PCDH8: variants seen among roughly 807,000 people sequenced by gnomAD.
PCDH8 encodes the protein protocadherin 8.
PCDH8 carries 36 observed loss-of-function variants against 58.2 expected under a neutral mutation model. That is an observed-to-expected ratio of 0.62 (90% CI 0.47 to 0.82). The LOEUF is 0.82. Among genes scored for constraint, PCDH8 ranks in the 40% least tolerant of loss-of-function variants. The probability of loss-of-function intolerance (pLI) is 0.00; values close to 1 mark genes in which losing one functional copy is unlikely to be tolerated. For missense variants in PCDH8, 1,493 were observed against 1,567.8 expected, an observed-to-expected ratio of 0.95 and a Z score of 0.81; for synonymous variants, 775 against 728.9, an observed-to-expected ratio of 1.06 and a Z score of -1.02.
At position 52,846,320 on chromosome 13, in the gene PCDH8, A is replaced by G; in HGVS notation, c.2117T>C (p.Val706Ala). 1 of 1,569,822 alleles carries G rather than the reference A, an allele frequency of 6.4e-7. No individual in the cohort carries two copies. The highest frequency in any genetic ancestry group is 8.6e-7 in the Non-Finnish European group (1 of 1,159,584). Reference protein sequence around the residue: ...GRPPLTTTATVSFVVTAGGGR... With the variant: ...GRPPLTTTATASFVVTAGGGR... ...GCCCCCTGCTGTTACCACGAAGCTG[A>G]CAGTTGCGGTGGTGGTGAGCGGGGG... Residue 706 changes from valine (V) to alanine (A), a missense_variant, in exon 1 of 3, where the codon GTC becomes GCC. Coordinates refer to ENST00000377942, the MANE Select transcript of PCDH8 (RefSeq NM_002590.4).
chr13:52,845,992 C>T lies in PCDH8; in HGVS notation c.2445G>A (p.Arg815=), dbSNP rs754447078. 2 of 1,475,726 alleles carry T rather than the reference C, an allele frequency of 1.4e-6. No individual in the cohort carries two copies. The highest frequency in any genetic ancestry group is 2.7e-5 in the Admixed American group (1 of 36,430). The allele number at this position is 1,475,726 out of a possible 1,614,324, so 91.4% of individuals were successfully genotyped here. The part of the protein sequence containing the change: ...PEEAARGAGP[R]PNMFDVLTFP... ...AGGTGAGCACGTCGAACATGTTGGG[C>T]CTGGGCCCGGCTCCCCGGGCGGCCT... Residue 815 remains arginine (R), a synonymous_variant, in exon 1 of 3, where the codon AGG becomes AGA. Coordinates refer to ENST00000377942, the MANE Select transcript of PCDH8 (RefSeq NM_002590.4).
chr13:52,846,267 C>T lies in PCDH8; in HGVS notation c.2170G>A (p.Ala724Thr), dbSNP rs916386993. The T allele has an allele frequency of 4.4e-6, 7 of 1,580,216 alleles. No individual in the cohort carries two copies. The Admixed American group carries it at 1.2e-4, about 27-fold the overall frequency. ...GGRGPAAPAS[A>T]GSPERSRPPG... ...GGGCGGGAACGCTCCGGGCTTCCTG[C>T]ACTGGCAGGCGCAGCCGGCCCACGC... Residue 724 changes from alanine (A) to threonine (T), a missense_variant, in exon 1 of 3, where the codon GCA becomes ACA. This residue lies in a region of PCDH8 where 1,307 missense variants were observed against 1,362.7 expected (regional missense o/e 0.96). Coordinates refer to ENST00000377942, the MANE Select transcript of PCDH8 (RefSeq NM_002590.4).
Position 52,847,021 on chromosome 13 carries a change from G to C in PCDH8, c.1416C>G (p.Arg472=). 1 of 1,563,092 alleles carries C rather than the reference G, an allele frequency of 6.4e-7. No homozygotes were observed. Among genetic ancestry groups the C allele is most frequent in the Middle Eastern group, 1.7e-4 (1 of 5,918 alleles). Reference sequence around the variant, plus strand: ...GCACTGTGCGCAGCGGGGGCGCGCCGCGATCCTCGGCCACCAGCGTCAAGT... The same window carrying C: ...GCACTGTGCGCAGCGGGGGCGCGCCCCGATCCTCGGCCACCAGCGTCAAGT... ...EYNLTLVAED[R]GAPPLRTVRP... is the part of the protein sequence containing the mutation. The change falls in exon 1 of 3, where the codon CGC becomes CGG. Residue 472 remains arginine (R), a synonymous_variant. Coordinates refer to ENST00000377942, the MANE Select transcript of PCDH8 (RefSeq NM_002590.4).
chr13:52,845,837 C>T lies in PCDH8; in HGVS notation c.2600G>A (p.Gly867Glu), dbSNP rs1444368038. The T allele has an allele frequency of 6.6e-6, 10 of 1,517,144 alleles. No individual in the cohort carries two copies. Among genetic ancestry groups the T allele is most frequent in the South Asian group, 1.2e-5 (1 of 80,864 alleles). The allele number at this position is 1,517,144 out of a possible 1,614,324, so 94.0% of individuals were successfully genotyped here. The change falls in exon 1 of 3, where the codon GGG becomes GAG. Residue 867 changes from glycine to glutamate, a missense_variant. Gly to Glu is a moderately conservative substitution (Grantham distance 98). Around this residue, in one of 3 missense-constraint regions of PCDH8, gnomAD observed 1,307 missense variants for 1,362.7 expected, o/e 0.96. Coordinates refer to ENST00000377942, the MANE Select transcript of PCDH8 (RefSeq NM_002590.4). ...ATGESACHFE[G>E]QQRLRGAHAE... ...GTGCGCGCCGCGGAGCCGCTGCTGCCCCTCGAAGTGACAGGCGCTTTCCCC... is the reference window on the plus strand; with the variant it reads ...GTGCGCGCCGCGGAGCCGCTGCTGCTCCTCGAAGTGACAGGCGCTTTCCCC...
chr13:52,846,310 C>T lies in PCDH8; in HGVS notation c.2127G>A (p.Val709=). 6.4e-7 allele frequency: 1 copy of T among 1,572,438 alleles called. No homozygotes were observed. The highest frequency in any genetic ancestry group is 8.6e-7 in the Non-Finnish European group (1 of 1,161,794). ...PLTTTATVSF[V]VTAGGGRGPA... ...GCCCACGCCCGCCCCCTGCTGTTAC[C>T]ACGAAGCTGACAGTTGCGGTGGTGG... Residue 709 remains valine, a synonymous_variant, in exon 1 of 3, where the codon GTG becomes GTA. Transcript: ENST00000377942.
chr13:52,843,220 T>A lies in PCDH8; in HGVS notation c.*1340A>T, dbSNP rs1297552008. Reference sequence around the variant, plus strand: ...CATAGTACTCTTGAGTGTCTTTTTTTAAGACTTTCCATTATGTACATTTTC... The same window carrying A: ...CATAGTACTCTTGAGTGTCTTTTTTAAAGACTTTCCATTATGTACATTTTC... On this transcript the variant is annotated 3_prime_UTR_variant, in exon 3 of 3. Coordinates refer to ENST00000377942, the MANE Select transcript of PCDH8 (RefSeq NM_002590.4). The A allele has an allele frequency of 2.0e-5, 3 of 152,360 alleles. No homozygotes were observed. Among genetic ancestry groups the A allele is most frequent in the South Asian group, 2.1e-4 (1 of 4,830 alleles). 9.4% of individuals were successfully genotyped at this position (152,360 alleles called of 1,614,324 possible).
Position 52,848,161 on chromosome 13 carries a change from G to A in PCDH8, c.276C>T (p.Arg92=). ...GCGGGGCCTGGCCACACAGCCGCTC[G>A]CGGTCCAGGCCGGCGTCCCCGACGG... ...QLTVGDAGLD[R]ERLCGQAPQC... The change falls in exon 1 of 3, where the codon CGC becomes CGT. Residue 92 remains arginine (R), a synonymous_variant. Transcript: ENST00000377942. 2 of 1,612,644 alleles carry A rather than the reference G, an allele frequency of 1.2e-6. No individual in the cohort carries two copies. Among genetic ancestry groups the A allele is most frequent in the Non-Finnish European group, 1.7e-6 (2 of 1,179,758 alleles).
In PCDH8 at chr13:52,847,489, A is replaced by G; in HGVS notation, c.948T>C (p.Arg316=). The G allele has an allele frequency of 6.3e-7, 1 of 1,590,738 alleles. No individual in the cohort carries two copies. Among genetic ancestry groups the G allele is most frequent in the East Asian group, 2.3e-5 (1 of 43,322 alleles). Residue 316 remains arginine, a synonymous_variant, in exon 1 of 3, where the codon CGT becomes CGC. Transcript: ENST00000377942. ...LTLAGPVDYE[R]QDTYELDVRA... ...GCACGTCCAGCTCGTAGGTGTCCTGACGCTCGTAGTCCACGGGCCCGGCCA... is the reference window on the plus strand; with the variant it reads ...GCACGTCCAGCTCGTAGGTGTCCTGGCGCTCGTAGTCCACGGGCCCGGCCA...
Position 52,848,036 on chromosome 13 carries a change from C to T in PCDH8, c.401G>A (p.Arg134His), listed in dbSNP as rs752517249. Residue 134 changes from arginine to histidine, a missense_variant, in exon 1 of 3, where the codon CGC (arginine) becomes CAC (histidine). Transcript: ENST00000377942. ...TACCGGGATCTGGGCCCTGGGGAAG[C>T]GCGGCGCGTGGTCGTTGACGTCCCT... is the stretch of plus-strand genomic sequence containing the variant. ...EVRDVNDHAP[R>H]FPRAQIPVEV... 6.8e-6 allele frequency: 11 copies of T among 1,611,302 alleles called. No individual in the cohort carries two copies. In the Admixed American group the frequency reaches 1.5e-4, roughly 22 times the overall value.
chr13:52,847,848 G>A lies in PCDH8; in HGVS notation c.589C>T (p.Leu197=). Residue 197 remains leucine (L), a synonymous_variant, in exon 1 of 3, where the codon CTG becomes TTG. Transcript: ENST00000377942. ...TRADGAQCAD[L]VLLQELDRES... ...CGGTCCAGCTCCTGCAGCAGCACCA[G>A]GTCTGCGCACTGAGCGCCGTCCGCT... The A allele has an allele frequency of 6.6e-7, 1 of 1,507,138 alleles. No homozygotes were observed. Among genetic ancestry groups the A allele is most frequent in the Non-Finnish European group, 8.8e-7 (1 of 1,133,022 alleles). 93.4% of individuals were successfully genotyped at this position (1,507,138 alleles called of 1,614,324 possible).
Position 52,846,522 on chromosome 13 carries a change from G to A in PCDH8, c.1915C>T (p.Arg639Trp), listed in dbSNP as rs781142291. 37 of 1,597,312 alleles carry A rather than the reference G, an allele frequency of 2.3e-5. No individual in the cohort carries two copies. The highest frequency in any genetic ancestry group is 2.8e-5 in the Non-Finnish European group (33 of 1,177,982). Residue 639 changes from arginine to tryptophan, a missense_variant, in exon 1 of 3, where the codon CGG becomes TGG. By Grantham distance (101) the Arg-to-Trp change is moderately radical. This residue lies in a region of PCDH8 where 1,307 missense variants were observed against 1,362.7 expected (regional missense o/e 0.96). Coordinates refer to ENST00000377942, the MANE Select transcript of PCDH8 (RefSeq NM_002590.4). ...KDTVVARVQA[R>W]DADEGANGEL... ...CCGTTGGCTCCCTCGTCTGCATCCC[G>A]GGCCTGCACACGGGCCACAACCGTG... is the stretch of plus-strand genomic sequence containing the variant.
Position 52,847,120 on chromosome 13 carries a change from C to T in PCDH8, c.1317G>A (p.Leu439=), listed in dbSNP as rs1369804029. The change falls in exon 1 of 3, where the codon CTG becomes CTA. Residue 439 remains leucine, a synonymous_variant. Transcript: ENST00000377942. The part of the protein sequence containing the change: ...CALYGHEHFR[L]QPAYAGSYLV... ...GGTAGCTGCCCGCGTAGGCCGGCTG[C>T]AGCCGGAAGTGCTCGTGCCCATAGA... is the stretch of plus-strand genomic sequence containing the variant. 2.6e-6 allele frequency: 4 copies of T among 1,552,208 alleles called. No homozygotes were observed. Among genetic ancestry groups the T allele is most frequent in the East Asian group, 2.5e-5 (1 of 40,574 alleles).
Position 52,845,935 on chromosome 13 carries a change from G to A in PCDH8, c.2502C>T (p.Ser834=), listed in dbSNP as rs1965724357. The change falls in exon 1 of 3, where the codon AGC becomes AGT. Residue 834 remains serine (S), a synonymous_variant. Transcript: ENST00000377942. Reference sequence around the variant, plus strand: ...CAGGCGGAGGCGCGTCCGCCGCGGGGCTGCCAAAGGGCGCTTTGCCGGTGC... The same window carrying A: ...CAGGCGGAGGCGCGTCCGCCGCGGGACTGCCAAAGGGCGCTTTGCCGGTGC... ...FPGTGKAPFG[S]PAADAPPPAV... is the part of the protein sequence containing the mutation. 6.7e-7 allele frequency: 1 copy of A among 1,486,738 alleles called. No individual in the cohort carries two copies. The highest frequency in any genetic ancestry group is 2.5e-5 in the Admixed American group (1 of 40,318). 92.1% of individuals were successfully genotyped at this position (1,486,738 alleles called of 1,614,324 possible).
rs1211225317 is a variant in PCDH8 at position 52,846,444 on chromosome 13, C to T, written c.1993G>A (p.Gly665Ser). ...QQEPREAFAIGRRTGEILLTG... is the reference protein window; with the variant it reads ...QQEPREAFAISRRTGEILLTG... ...AGCAGTATCTCCCCCGTGCGGCGGC[C>T]GATGGCGAAGGCTTCGCGCGGCTCC... The change falls in exon 1 of 3, where the codon GGC (glycine) becomes AGC (serine). Residue 665 changes from glycine to serine, a missense_variant. Gly to Ser is a moderately conservative substitution (Grantham distance 56). Transcript: ENST00000377942. The T allele has an allele frequency of 2.5e-6, 4 of 1,599,592 alleles. No individual in the cohort carries two copies. Among genetic ancestry groups the T allele is most frequent in the African/African-American group, 1.3e-5 (1 of 74,996 alleles).
chr13:52,845,668 G>C lies in PCDH8; in HGVS notation c.2632-36C>G, dbSNP rs752340244. Reference sequence around the variant, plus strand: ...GAATAGGGGAATGGGAGTGGGGGGAGGGTTGGATAAGAAACAAACAAAAAA... The same window carrying C: ...GAATAGGGGAATGGGAGTGGGGGGACGGTTGGATAAGAAACAAACAAAAAA... On this transcript the variant is annotated intron_variant, in intron 1 of 2. Transcript: ENST00000377942. The C allele has an allele frequency of 1.3e-5, 21 of 1,607,128 alleles. No homozygotes were observed. The East Asian group carries it at 4.5e-4, about 34-fold the overall frequency.
rs777479847 is a variant in PCDH8 at position 52,844,636 on chromosome 13, T to G, written c.3137A>C (p.Glu1046Ala). ...PRPGRLPDLQEIGVPLYQSPP... is the reference protein window; with the variant it reads ...PRPGRLPDLQAIGVPLYQSPP... ...GGACTGGTAGAGGGGTACTCCAATC[T>G]CCTGCAGGTCTGGGAGCCTCCCTGG... is the stretch of plus-strand genomic sequence containing the variant. The change falls in exon 3 of 3, where the codon GAG becomes GCG. Residue 1046 changes from glutamate (E) to alanine (A), a missense_variant. Transcript: ENST00000377942. 1 of 1,613,694 alleles carries G rather than the reference T, an allele frequency of 6.2e-7. No homozygotes were observed. Among genetic ancestry groups the G allele is most frequent in the Non-Finnish European group, 8.5e-7 (1 of 1,179,730 alleles).
At position 52,846,957 on chromosome 13, in the gene PCDH8, C is replaced by G; in HGVS notation, c.1480G>C (p.Ala494Pro). 1 of 1,596,316 alleles carries G rather than the reference C, an allele frequency of 6.3e-7. No homozygotes were observed. The highest frequency in any genetic ancestry group is 2.3e-5 in the East Asian group (1 of 43,928). Residue 494 changes from alanine to proline, a missense_variant, in exon 1 of 3, where the codon GCG becomes CCG. Coordinates refer to ENST00000377942, the MANE Select transcript of PCDH8 (RefSeq NM_002590.4). ...TAGACCGGCCGCGTGAAGAGCGGCG[C>G]GTTGTCGTTCTCGTCGCCCACACGC... ...TVRVGDENDN[A>P]PLFTRPVYEV... is the part of the protein sequence containing the mutation.
Position 52,846,705 on chromosome 13 carries a change from G to A in PCDH8, c.1732C>T (p.Arg578Cys). ...GAGCCGCCGTCGCTAGCTTGGATGC[G>A]AACGTCGAGTTGGCGCAGCGTCTCA... is the stretch of plus-strand genomic sequence containing the variant. The part of the protein sequence containing the change: ...DYETLRQLDV[R>C]IQASDGGSPQ... Residue 578 changes from arginine (R) to cysteine (C), a missense_variant, in exon 1 of 3, where the codon CGC becomes TGC. Transcript: ENST00000377942. The A allele has an allele frequency of 6.3e-7, 1 of 1,598,352 alleles. No individual in the cohort carries two copies. Among genetic ancestry groups the A allele is most frequent in the East Asian group, 2.2e-5 (1 of 44,602 alleles).
In PCDH8 at chr13:52,846,639, G is replaced by C; in HGVS notation, c.1798C>G (p.Leu600Val). 1.9e-6 allele frequency: 3 copies of C among 1,604,240 alleles called. No individual in the cohort carries two copies. The highest frequency in any genetic ancestry group is 1.7e-6 in the Non-Finnish European group (2 of 1,178,088). The change falls in exon 1 of 3, where the codon CTG becomes GTG. Residue 600 changes from leucine to valine, a missense_variant. Physicochemically the swap from Leu to Val is conservative, Grantham distance 32. Coordinates refer to ENST00000377942, the MANE Select transcript of PCDH8 (RefSeq NM_002590.4). The part of the protein sequence containing the change: ...SSSALVQVRV[L>V]DQNDHAPVLV... Reference sequence around the variant, plus strand: ...ACTGGCGCATGGTCGTTCTGGTCCAGCACGCGCACTTGCACTAGGGCGCTG... The same window carrying C: ...ACTGGCGCATGGTCGTTCTGGTCCACCACGCGCACTTGCACTAGGGCGCTG...
Sources: gnomAD v4.1 joint callset for allele counts on GRCh38, gnomAD v4.1.1 for gene constraint, gnomAD v4.1.1 regional missense constraint, MANE v1.5 for transcripts, NCBI Gene and HGNC (gene_info 2026-07-23, HGNC 2026-07-21) for gene names.